Variants in CADM2 observed in about 807,000 individuals in gnomAD.
The protein encoded by CADM2 is immunoglobulin superfamily member 4D.
A neutral mutation model predicts 49.8 loss-of-function variants in CADM2; 12 were observed. The ratio of observed to expected loss-of-function variants is 0.24; its 90% CI spans 0.15 to 0.39. The LOEUF (loss-of-function observed/expected upper bound fraction) is 0.39. CADM2 is among the 10% of genes least tolerant of loss of function. The pLI is 1.00. For missense variants in CADM2, 378 were observed against 492.3 expected, an observed-to-expected ratio of 0.77 and a Z score of 2.20; for synonymous variants, 214 against 175.4, an observed-to-expected ratio of 1.22 and a Z score of -1.74.
chr3:86,039,800 G>A (rs1334618577), intron 8 of CADM2, among the ~76,000 whole-genome samples: 2 of 151,164 alleles, frequency 1.3e-5, no homozygotes, highest in African/African-American at 4.9e-5. Context: ...GTGGGTCCCT[G>A]ACCCCTGAGT....
Position 85,727,352 on chromosome 3 carries a change from T to C in CADM2, c.88+804T>C, listed in dbSNP as rs575839778. Among the ~76,000 whole-genome samples the C allele has an allele frequency of 4.5e-4, 69 of 152,312 alleles. 1 individual carries two copies. The highest frequency in any genetic ancestry group is 1.6e-3 in the African/African-American group (67 of 41,582). ...ACGCTCATCTTTGAAGTGTTAACTATTCCCTATTTATAAAGTCAAGCCTTT... is the reference window on the plus strand; with the variant it reads ...ACGCTCATCTTTGAAGTGTTAACTACTCCCTATTTATAAAGTCAAGCCTTT... On this transcript the variant is annotated intron_variant, in intron 2 of 9. Coordinates refer to ENST00000383699, the MANE Select transcript of CADM2 (RefSeq NM_001167675.2).
intron 1 of CADM2, among the ~76,000 whole-genome samples, chr3:85,526,072 C>T (rs997823196): frequency 6.6e-6 from 1 of 152,076 alleles, no homozygotes. Flanking sequence ...ACTGTAGCCA[C>T]CTCGTGAGTC....
intron 1 of CADM2, among the ~76,000 whole-genome samples, chr3:85,024,535 G>T (rs2034641702): frequency 6.6e-6 from 1 of 151,836 alleles, no homozygotes; most frequent in Non-Finnish European, 1.5e-5. Flanking sequence ...ATTATTCTCT[G>T]TTCAAAAATA....
At chr3:85,692,941 A>T (rs2066430692) in intron 1 of CADM2, among the ~76,000 whole-genome samples, 1 of 152,176 alleles carries the variant, frequency 6.6e-6, no homozygotes, top group Admixed American at 6.5e-5. Context: ...AAGAAAAATC[A>T]GAAGGAGGCC....
intron 1 of CADM2, among the ~76,000 whole-genome samples, chr3:85,091,286 A>G (rs189899539): frequency 1.3e-5 from 2 of 152,276 alleles, no homozygotes; most frequent in African/African-American, 4.8e-5. Flanking sequence ...CGGATCTTCA[A>G]TGGCAGCTAA....
chr3:85,153,495 G>A lies in CADM2; in HGVS notation c.61+193827G>A, dbSNP rs76820803. Among the ~76,000 whole-genome samples the A allele has an allele frequency of 9.2e-5, 14 of 152,294 alleles. 1 individual carries two copies. Among genetic ancestry groups the A allele is most frequent in the East Asian group, 7.8e-4 (4 of 5,158 alleles). ...TTCTGAGATCAAACCGCAACAAAGC[G>A]GCAGCAAGGCTGGGGGAGGGGCGCC... On this transcript the variant is annotated intron_variant, in intron 1 of 9. Coordinates refer to ENST00000383699, the MANE Select transcript of CADM2 (RefSeq NM_001167675.2).
chr3:86,017,728 CAAAA>C (rs570758624), intron 8 of CADM2, among the ~76,000 whole-genome samples: 1 of 110,136 alleles, frequency 9.1e-6, no homozygotes, highest in African/African-American at 3.4e-5. Flanking sequence ...ACCCTGTCTC[CAAAA>C]AAAAAAAAAG....
At chr3:85,300,921 T>C (rs2044082311) in intron 1 of CADM2, among the ~76,000 whole-genome samples, 1 of 151,794 alleles carries the variant, frequency 6.6e-6, no homozygotes, top group Non-Finnish European at 1.5e-5. Context: ...AAAGACCCCA[T>C]AGTAGGGAGA....
intron 1 of CADM2, among the ~76,000 whole-genome samples, chr3:85,253,852 A>C (rs2042828876): frequency 6.6e-6 from 1 of 152,128 alleles, no homozygotes; most frequent in Non-Finnish European, 1.5e-5. Context: ...TAAGGATAAG[A>C]AACACAGAAA....
intron 8 of CADM2, among the ~76,000 whole-genome samples, chr3:86,054,950 T>C (rs1439994566): frequency 6.6e-6 from 1 of 152,082 alleles, no homozygotes; most frequent in African/African-American, 2.4e-5. Flanking sequence ...CAGAGAACAG[T>C]GATGTGTGAA....
intron 1 of CADM2, among the ~76,000 whole-genome samples, chr3:85,273,543 A>G (rs1414135273): frequency 1.3e-5 from 2 of 151,312 alleles, no homozygotes; most frequent in Non-Finnish European, 3.0e-5. Flanking sequence ...TTGCCAATTT[A>G]TTGAATCAAG....
intron 1 of CADM2, among the ~76,000 whole-genome samples, chr3:85,258,519 G>A (rs1343755772): frequency 2.6e-5 from 4 of 151,398 alleles, no homozygotes; most frequent in Admixed American, 6.6e-5. Flanking sequence ...AAAACTCACA[G>A]TCCCAATATT....
At chr3:85,185,072 G>A (rs909914025) in intron 1 of CADM2, among the ~76,000 whole-genome samples, 2 of 152,034 alleles carry the variant, frequency 1.3e-5, no homozygotes. Context: ...ATGACAGATA[G>A]GGTATTATTT....
At chr3:85,034,499 C>A (rs76310638) in intron 1 of CADM2, among the ~76,000 whole-genome samples, 5,432 of 152,154 alleles carry the variant, frequency 0.036, 124 homozygotes, top group African/African-American at 0.049. Context: ...TATTCATATG[C>A]TGATGGACAC....
intron 1 of CADM2, among the ~76,000 whole-genome samples, chr3:85,471,848 A>T (rs917590721): frequency 5.9e-5 from 9 of 151,780 alleles, no homozygotes; most frequent in African/African-American, 2.2e-4. Context: ...TCTATATTTT[A>T]AAGATTAACA....
At chr3:85,868,385 A>G (rs1181795132) in intron 3 of CADM2, among the ~76,000 whole-genome samples, 2 of 152,074 alleles carry the variant, frequency 1.3e-5, no homozygotes, top group African/African-American at 4.8e-5. Flanking sequence ...AGTTTTCTTC[A>G]TACAAATTTT....
At chr3:85,714,371 A>G (rs993607040) in intron 1 of CADM2, among the ~76,000 whole-genome samples, 1 of 152,158 alleles carries the variant, frequency 6.6e-6, no homozygotes, top group Non-Finnish European at 1.5e-5. Context: ...AAAGCTAAGT[A>G]CTTCTCTTAT....
At chr3:85,665,858 C>T (rs1344360980) in intron 1 of CADM2, among the ~76,000 whole-genome samples, 12 of 151,910 alleles carry the variant, frequency 7.9e-5, no homozygotes, top group Admixed American at 5.9e-4. Flanking sequence ...ATTATGGGAT[C>T]CAGAGCAATA....
At chr3:85,632,106 G>A (rs1269986060) in intron 1 of CADM2, among the ~76,000 whole-genome samples, 1 of 152,026 alleles carries the variant, frequency 6.6e-6, no homozygotes, top group African/African-American at 2.4e-5. Flanking sequence ...GTGGTGGGAG[G>A]GGCCTGGTGG....
Sources: gnomAD v4.1 joint callset for allele counts (sites outside exome capture counted in the v4.1 genomes callset) on GRCh38, gnomAD v4.1.1 for gene constraint, MANE v1.5 for transcripts, NCBI Gene and HGNC (gene_info 2026-07-23, HGNC 2026-07-21) for gene names.